The following INTS7 variants were observed in gnomAD, a reference collection of about 807,000 sequenced individuals.
INTS7 encodes the protein integrator complex subunit 7.
A neutral mutation model predicts 109.2 loss-of-function variants in INTS7; 46 were observed. That is an observed-to-expected ratio of 0.42 (90% CI 0.33 to 0.54). The LOEUF (loss-of-function observed/expected upper bound fraction) is 0.54. INTS7 is among the 20% of genes least tolerant of loss of function. INTS7 has a pLI of 0.07. For missense variants in INTS7, 929 were observed against 1,132.4 expected (o/e 0.82, Z 2.58); for synonymous variants, 412 against 402.9 (o/e 1.02, Z -0.27).
chr1:211,963,798 TA>T (rs953426158), intron 16 of INTS7, among the ~76,000 whole-genome samples: 45 of 148,308 alleles, frequency 3.0e-4, no homozygotes, highest in African/African-American at 6.9e-4. Context: ...CCCATTATAT[TA>T]AAAAAAAAAC....
At chr1:211,987,251 C>A (rs1405343075) in intron 8 of INTS7, among the ~76,000 whole-genome samples, 1 of 152,022 alleles carries the variant, frequency 6.6e-6, no homozygotes, top group East Asian at 1.9e-4. Flanking sequence ...AAGCCAAGAT[C>A]CCCCCACTGC....
At chr1:211,987,383 C>T (rs568801520) in intron 8 of INTS7, among the ~76,000 whole-genome samples, 3 of 151,828 alleles carry the variant, frequency 2.0e-5, no homozygotes, top group Non-Finnish European at 2.9e-5. Flanking sequence ...AGCTCCTTAC[C>T]GGGCATTAAT....
intron 13 of INTS7, 119 bp downstream of exon 13, chr1:211,975,047 C>T (rs1664358219): frequency 2.9e-6 from 2 of 682,564 alleles, no homozygotes; most frequent in African/African-American, 1.8e-5. Flanking sequence ...GGTTTATTTC[C>T]ATGACCTATT....
chr1:212,033,500 T>C (rs775068152), intron 1 of INTS7, among the ~76,000 whole-genome samples: 3 of 152,192 alleles, frequency 2.0e-5, no homozygotes, highest in African/African-American at 4.8e-5. Flanking sequence ...TTCCTATAGA[T>C]ATAAAATATT....
At chr1:212,012,679 A>G (rs559452635) in intron 4 of INTS7, among the ~76,000 whole-genome samples, 46 of 152,354 alleles carry the variant, frequency 3.0e-4, no homozygotes, top group African/African-American at 8.7e-4. Context: ...CTGTTTCTAC[A>G]TAAACTGCTA....
Position 211,944,969 on chromosome 1 carries a change from G to A in INTS7, c.2416C>T (p.Leu806Phe). Residue 806 changes from leucine (L) to phenylalanine (F), a missense_variant and splice_region_variant, in exon 19 of 20, where the codon CTT (leucine) becomes TTT (phenylalanine). Around this residue, in one of 2 missense-constraint regions of INTS7, gnomAD observed 787 missense variants for 901.1 expected, o/e 0.87. Coordinates refer to ENST00000366994, the MANE Select transcript of INTS7 (RefSeq NM_015434.4). Reference sequence around the variant, plus strand: ...TTCCGGGGCGATGGTGACAGAGCAAGCTGGAATGCCAACACTCAAATAAAT... The same window carrying A: ...TTCCGGGGCGATGGTGACAGAGCAAACTGGAATGCCAACACTCAAATAAAT... ...FQKLQSTSIK[L>F]ALSPSPRNPA... The A allele has an allele frequency of 1.2e-6, 2 of 1,613,094 alleles. No homozygotes were observed. Among genetic ancestry groups the A allele is most frequent in the Non-Finnish European group, 8.5e-7 (1 of 1,179,350 alleles).
rs1662858449 is a variant in INTS7, at chr1:211,946,638, A to T, written c.2384T>A (p.Phe795Tyr). 1 of 1,612,888 alleles carries T rather than the reference A, an allele frequency of 6.2e-7. No individual in the cohort carries two copies. Among genetic ancestry groups the T allele is most frequent in the African/African-American group, 1.3e-5 (1 of 74,906 alleles). ...LKVPLSFQRY[F>Y]FQKLQSTSIK... ...GCTGGTAGACTGTAGTTTCTGGAAA[A>T]AATATCTCTGGAAAGAAAGGGGAAC... The change falls in exon 18 of 20, where the codon TTT (phenylalanine) becomes TAT (tyrosine). Residue 795 changes from phenylalanine (F) to tyrosine (Y), a missense_variant. Coordinates refer to ENST00000366994, the MANE Select transcript of INTS7 (RefSeq NM_015434.4). The surrounding 1 kb of genome is among the most constrained non-coding windows in gnomAD (Gnocchi z 4.3).
In INTS7 at chr1:212,007,756, A is replaced by G. The variant is rs965502516; in HGVS notation, c.557-307T>C. 6.6e-5 allele frequency among the ~76,000 whole-genome samples: 10 copies of G among 152,312 alleles called. No homozygotes were observed. In the South Asian group the frequency reaches 2.1e-3, roughly 32 times the overall value. Reference sequence around the variant, plus strand: ...TTCCTCTCATTGTCATAGTAAAAAAATTATACATACACATATACATATATA... The same window carrying G: ...TTCCTCTCATTGTCATAGTAAAAAAGTTATACATACACATATACATATATA... On this transcript the variant is annotated intron_variant, in intron 5 of 19. Transcript: ENST00000366994.
chr1:212,016,621 C>G (rs1470928524), intron 4 of INTS7, among the ~76,000 whole-genome samples: 1 of 152,202 alleles, frequency 6.6e-6, no homozygotes, highest in African/African-American at 2.4e-5. Context: ...CCCAATGAAG[C>G]CTTCTCCAAC....
intron 13 of INTS7, among the ~76,000 whole-genome samples, chr1:211,973,322 A>G (rs1334414010): frequency 6.6e-6 from 1 of 152,248 alleles, no homozygotes; most frequent in Non-Finnish European, 1.5e-5. Context: ...AACTTGTAGT[A>G]ATTTGTTACA....
intron 16 of INTS7, among the ~76,000 whole-genome samples, chr1:211,960,886 A>G (rs1226785524): frequency 6.6e-6 from 1 of 152,140 alleles, no homozygotes; most frequent in Non-Finnish European, 1.5e-5. Context: ...ATGGTGCTGC[A>G]TGCCTGTAAT....
At chr1:211,989,821 CAA>C (rs199523866) in intron 7 of INTS7, among the ~76,000 whole-genome samples, 28 of 68,012 alleles carry the variant, frequency 4.1e-4, no homozygotes, top group Admixed American at 6.4e-4. Context: ...GACTCCGTTT[CAA>C]AAAAAAAAAA....
intron 1 of INTS7, 119 bp from the exon 2 acceptor site, chr1:212,021,331 T>C: frequency 1.2e-6 from 1 of 830,210 alleles, no homozygotes; most frequent in South Asian, 2.2e-5. Flanking sequence ...AAGAAGCAGG[T>C]AAAGTATAAT....
intron 3 of INTS7, among the ~76,000 whole-genome samples, chr1:212,017,516 C>T (rs531845358): frequency 3.3e-5 from 5 of 152,282 alleles, no homozygotes; most frequent in South Asian, 4.1e-4. Context: ...TGGTTGAGGA[C>T]GCCCCTGGGG....
At chr1:212,024,483 A>T (rs1320674208) in intron 1 of INTS7, among the ~76,000 whole-genome samples, 1 of 152,210 alleles carries the variant, frequency 6.6e-6, no homozygotes, top group African/African-American at 2.4e-5. Context: ...GCAGGTAAAC[A>T]TACTATATAC....
rs1347767333 is a variant in INTS7 at position 211,942,447 on chromosome 1, T to C, written c.2602-336A>G. ...CCCTTCACATGCTGGCCTTTCTTCC[T>C]TGCTTACTCAACCCCATCTCTAAAT... On this transcript the variant is annotated intron_variant, in intron 19 of 19. Coordinates refer to ENST00000366994, the MANE Select transcript of INTS7 (RefSeq NM_015434.4). This position sits in a 1 kb window ranked among gnomAD's most constrained non-coding sequence, Gnocchi z 4.2. Among the ~76,000 whole-genome samples the C allele has an allele frequency of 2.0e-5, 3 of 152,148 alleles. No homozygotes were observed. The highest frequency in any genetic ancestry group is 7.2e-5 in the African/African-American group (3 of 41,426).
Position 212,007,268 on chromosome 1 carries a change from C to T in INTS7, c.738G>A (p.Leu246=), listed in dbSNP as rs775952403. 4.3e-6 allele frequency: 7 copies of T among 1,613,542 alleles called. No individual in the cohort carries two copies. The African/African-American group carries it at 5.3e-5, about 12-fold the overall frequency. The change falls in exon 6 of 20, where the codon TTG becomes TTA. Residue 246 remains leucine (L), a synonymous_variant. Transcript: ENST00000366994. ...AAATTACCTGCTTAGGTGTATCAAC[C>T]AAAGATGACGCTGCAAGCAGAGTGA... is the stretch of plus-strand genomic sequence containing the variant. ...HTFTLLAASS[L]VDTPKQIQLL... is the part of the protein sequence containing the mutation.
intron 7 of INTS7, among the ~76,000 whole-genome samples, chr1:212,003,641 A>G (rs1571895584): frequency 6.6e-6 from 1 of 152,232 alleles, no homozygotes; most frequent in Non-Finnish European, 1.5e-5. Context: ...AAGTTTAATT[A>G]TATTTTATTT....
In INTS7 at chr1:211,987,911, G is replaced by A; in HGVS notation, c.972C>T (p.Ile324=). 1.2e-6 allele frequency: 2 copies of A among 1,603,152 alleles called. No homozygotes were observed. The highest frequency in any genetic ancestry group is 1.7e-6 in the Non-Finnish European group (2 of 1,170,400). Residue 324 remains isoleucine, a synonymous_variant, in exon 8 of 20, where the codon ATC becomes ATT. Coordinates refer to ENST00000366994, the MANE Select transcript of INTS7 (RefSeq NM_015434.4). ...VLSTLSGTIA[I]KHYFSIVPGN... ...CTGGAACTATACTGAAGTAATGTTTGATGGCGATGGTCCCTGATAGTGTGG... is the reference window on the plus strand; with the variant it reads ...CTGGAACTATACTGAAGTAATGTTTAATGGCGATGGTCCCTGATAGTGTGG...
Sources: allele counts gnomAD v4.1 joint callset (sites outside exome capture counted in the v4.1 genomes callset), GRCh38; gene constraint gnomAD v4.1.1; regional missense constraint gnomAD v4.1.1; non-coding constraint Gnocchi (gnomAD v3.1); transcripts MANE v1.5; gene names NCBI Gene and HGNC (gene_info 2026-07-23, HGNC 2026-07-21).